ARHGAP35: variants seen among roughly 807,000 people sequenced by gnomAD.
ARHGAP35 encodes the protein rho GTPase-activating protein 35.
ARHGAP35 carries 15 observed loss-of-function variants against 111.1 expected under a neutral mutation model. The ratio of observed to expected loss-of-function variants is 0.13; its 90% confidence interval spans 0.09 to 0.21. The LOEUF is 0.21. Ranked by LOEUF, ARHGAP35 falls within the 10% of genes least tolerant of loss-of-function variation. The probability of loss-of-function intolerance (pLI) is 1.00; values close to 1 mark genes in which losing one functional copy is unlikely to be tolerated. For synonymous variants in ARHGAP35, 643 were observed against 710.3 expected, an observed-to-expected ratio of 0.91 and a Z score of 1.51; for missense variants, 1,262 against 1,873.0, an observed-to-expected ratio of 0.67 and a Z score of 6.02.
At chr19:46,905,986 A>AT (rs375012473) in intron 1 of ARHGAP35, among the ~76,000 whole-genome samples, 1,455 of 141,588 alleles carry the variant, frequency 0.01, 16 homozygotes, top group African/African-American at 0.031. Flanking sequence ...GCCTGGCCAC[A>AT]TTTTTTTTTT....
chr19:46,954,220 CT>C (rs1179576122), intron 3 of ARHGAP35, among the ~76,000 whole-genome samples: 4 of 152,186 alleles, frequency 2.6e-5, no homozygotes, highest in African/African-American at 7.2e-5. Flanking sequence ...GCCACCCAGT[CT>C]GTGGTATTTT....
At chr19:46,928,440 G>A (rs1395363771) in intron 2 of ARHGAP35, among the ~76,000 whole-genome samples, 1 of 152,188 alleles carries the variant, frequency 6.6e-6, no homozygotes, top group African/African-American at 2.4e-5. Context: ...TTTGAGAGAA[G>A]CAAGCAATAA....
intron 2 of ARHGAP35, among the ~76,000 whole-genome samples, chr19:46,930,066 G>A (rs2122214696): frequency 6.6e-6 from 1 of 151,816 alleles, no homozygotes; most frequent in East Asian, 2.0e-4. Context: ...CCTGGCTGGT[G>A]TTAACTGTTT....
At position 46,958,132 on chromosome 19, in the gene ARHGAP35, C is replaced by G. The variant is rs551602534; in HGVS notation, c.3826+20724C>G. Among the ~76,000 whole-genome samples the G allele has an allele frequency of 3.3e-5, 5 of 152,198 alleles. No individual in the cohort carries two copies. The East Asian group carries it at 9.7e-4, about 29-fold the overall frequency. ...GGCACGGTGGCCCAAGCCTGTAATC[C>G]CAGCACTTTGGGAGGCCGAGGCGGG... On this transcript the variant is annotated intron_variant, in intron 3 of 6. Transcript: ENST00000672722.
At chr19:46,950,210 A>G (rs1354182532) in intron 3 of ARHGAP35, among the ~76,000 whole-genome samples, 1 of 152,250 alleles carries the variant, frequency 6.6e-6, no homozygotes. Flanking sequence ...ATTCAGCTAC[A>G]TGATTAAATC....
At chr19:46,874,052 A>G (rs1361765090) in intron 1 of ARHGAP35, among the ~76,000 whole-genome samples, 1 of 152,146 alleles carries the variant, frequency 6.6e-6, no homozygotes. Context: ...TGGCTAAGCT[A>G]TTAATTAAAT....
chr19:46,987,006 T>C (rs1201180315), intron 3 of ARHGAP35, among the ~76,000 whole-genome samples: 2 of 151,864 alleles, frequency 1.3e-5, no homozygotes, highest in East Asian at 3.9e-4. Flanking sequence ...TTTTGTACTT[T>C]TAGTAGAGAT....
At chr19:46,885,048 CGGA>C (rs1446392837) in intron 1 of ARHGAP35, among the ~76,000 whole-genome samples, 1 of 152,138 alleles carries the variant, frequency 6.6e-6, no homozygotes, top group Non-Finnish European at 1.5e-5. Flanking sequence ...CTAAAGCTTG[CGGA>C]AGTTCTTTCA....
At chr19:46,865,910 A>T (rs2055853463) in intron 1 of ARHGAP35, among the ~76,000 whole-genome samples, 1 of 152,116 alleles carries the variant, frequency 6.6e-6, no homozygotes, top group Admixed American at 6.6e-5. Context: ...GCGCAATCTC[A>T]GCTCACCACA....
At chr19:46,900,948 A>G (rs546730665) in intron 1 of ARHGAP35, among the ~76,000 whole-genome samples, 3 of 151,972 alleles carry the variant, frequency 2.0e-5, no homozygotes, top group African/African-American at 7.2e-5. Flanking sequence ...CTCCTCTACC[A>G]CGTGCCGGGG....
chr19:46,943,098 T>C (rs2056358821), intron 3 of ARHGAP35, among the ~76,000 whole-genome samples: 1 of 151,774 alleles, frequency 6.6e-6, no homozygotes, highest in Admixed American at 6.6e-5. Flanking sequence ...TGGAGTACAA[T>C]GGTGCAGTCG....
In ARHGAP35 at chr19:46,922,145, T is replaced by C. The variant is rs1272901863; in HGVS notation, c.3470T>C (p.Leu1157Pro). The C allele has an allele frequency of 6.2e-7, 1 of 1,614,014 alleles. No homozygotes were observed. Among genetic ancestry groups the C allele is most frequent in the Admixed American group, 1.7e-5 (1 of 60,028 alleles). ...GTTTCCATCGTGAGCAAGCCAGTGC[T>C]GTACAGGACGAGATGCACCCGGCTG... is the stretch of plus-strand genomic sequence containing the variant. The part of the protein sequence containing the change: ...RKVSIVSKPV[L>P]YRTRCTRLGR... The change falls in exon 2 of 7, where the codon CTG (leucine) becomes CCG (proline). Residue 1157 changes from leucine (L) to proline (P), a missense_variant. Around this residue, in one of 8 missense-constraint regions of ARHGAP35, gnomAD observed 579 missense variants for 716.9 expected, o/e 0.81. Transcript: ENST00000672722. The surrounding 1 kb of genome is among the most constrained non-coding windows in gnomAD (Gnocchi z 4.0).
chr19:46,883,247 A>G (rs892782734), intron 1 of ARHGAP35, among the ~76,000 whole-genome samples: 1 of 147,592 alleles, frequency 6.8e-6, no homozygotes, highest in Admixed American at 6.8e-5. Context: ...GGCACGTGCC[A>G]CCATGCCTGG....
Position 46,977,576 on chromosome 19 carries a change from C to T in ARHGAP35, c.3827-10413C>T, listed in dbSNP as rs111994017. Among the ~76,000 whole-genome samples, 943 of 152,318 alleles carry T rather than the reference C, an allele frequency of 6.2e-3. 6 individuals are homozygous for T. Among genetic ancestry groups the T allele is most frequent in the South Asian group, 0.02 (98 of 4,830 alleles). On this transcript the variant is annotated intron_variant, in intron 3 of 6. Coordinates refer to ENST00000672722, the MANE Select transcript of ARHGAP35 (RefSeq NM_004491.5). ...TTACTGTGCAAGCCCAATACACAGACGGGTGATGAGAGGACTCTGCCTGCT... is the reference window on the plus strand; with the variant it reads ...TTACTGTGCAAGCCCAATACACAGATGGGTGATGAGAGGACTCTGCCTGCT...
chr19:46,905,158 C>A (rs1420761439), intron 1 of ARHGAP35, among the ~76,000 whole-genome samples: 2 of 152,156 alleles, frequency 1.3e-5, no homozygotes, highest in Non-Finnish European at 1.5e-5. Context: ...AATTAGAACA[C>A]CAAATGTCTG....
At chr19:46,899,859 A>T (rs1172526158) in intron 1 of ARHGAP35, among the ~76,000 whole-genome samples, 1 of 152,220 alleles carries the variant, frequency 6.6e-6, no homozygotes, top group Non-Finnish European at 1.5e-5. Flanking sequence ...TGTACATTCA[A>T]GACAAAGTTG....
At position 47,001,175 on chromosome 19, in the gene ARHGAP35, C is replaced by G; in HGVS notation, c.*487C>G. The G allele has an allele frequency of 8.1e-7, 1 of 1,239,620 alleles. No individual in the cohort carries two copies. The highest frequency in any genetic ancestry group is 1.0e-6 in the Non-Finnish European group (1 of 966,520). The allele number at this position is 1,239,620 out of a possible 1,614,324, so 76.8% of individuals were successfully genotyped here. ...ACACCCCCAAGGTAAGGGTACAGCCCGGCTGGCGGCCTCCTTGGGAACGTG... is the reference window on the plus strand; with the variant it reads ...ACACCCCCAAGGTAAGGGTACAGCCGGGCTGGCGGCCTCCTTGGGAACGTG... On this transcript the variant is annotated 3_prime_UTR_variant, in exon 7 of 7. Coordinates refer to ENST00000672722, the MANE Select transcript of ARHGAP35 (RefSeq NM_004491.5). The surrounding 1 kb of genome is among the most constrained non-coding windows in gnomAD (Gnocchi z 5.4).
At chr19:46,943,905 C>T (rs1418840366) in intron 3 of ARHGAP35, among the ~76,000 whole-genome samples, 2 of 152,074 alleles carry the variant, frequency 1.3e-5, no homozygotes, top group African/African-American at 4.8e-5. Flanking sequence ...AGAAGATGAG[C>T]GAGACCAAAA....
At chr19:46,873,668 G>A (rs1440244159) in intron 1 of ARHGAP35, among the ~76,000 whole-genome samples, 28 of 149,336 alleles carry the variant, frequency 1.9e-4, no homozygotes, top group Admixed American at 1.9e-3. Flanking sequence ...GTCAAAGTCA[G>A]GAATGGCTAT....
Sources: gnomAD v4.1 joint callset for allele counts (sites outside exome capture counted in the v4.1 genomes callset) on GRCh38, gnomAD v4.1.1 for gene constraint, gnomAD v4.1.1 regional missense constraint, Gnocchi (gnomAD v3.1) non-coding constraint, MANE v1.5 for transcripts, NCBI Gene and HGNC (gene_info 2026-07-23, HGNC 2026-07-21) for gene names.